The following PCLO variants were observed in gnomAD, a reference collection of about 807,000 sequenced individuals.
The protein encoded by PCLO is piccolo presynaptic cytomatrix protein.
A neutral mutation model predicts 427.5 loss-of-function variants in PCLO; 82 were observed. The ratio of observed to expected loss-of-function variants is 0.19; its 90% CI spans 0.16 to 0.23. The LOEUF (loss-of-function observed/expected upper bound fraction) is 0.23. PCLO is among the 10% of genes least tolerant of loss of function. The pLI, the probability that PCLO is intolerant of heterozygous loss-of-function variation, is 1.00. For synonymous variants in PCLO, 2,357 were observed against 2,155.4 expected (o/e 1.09, Z -2.59); for missense variants, 6,239 against 6,115.9 (o/e 1.02, Z -0.67).
At chr7:82,808,397 G>A (rs1791500694) in intron 20 of PCLO, among the ~76,000 whole-genome samples, 2 of 151,828 alleles carry the variant, frequency 1.3e-5, no homozygotes, top group Admixed American at 6.6e-5. Context: ...TTTACCTGAT[G>A]CGATTTTTAG....
chr7:83,097,866 T>C (rs1790635411), intron 3 of PCLO, among the ~76,000 whole-genome samples: 1 of 152,014 alleles, frequency 6.6e-6, no homozygotes, highest in South Asian at 2.1e-4. Flanking sequence ...TCACTATACA[T>C]ACTATATAAT....
At chr7:82,919,514 A>G (rs1211177000) in intron 6 of PCLO, among the ~76,000 whole-genome samples, 1 of 151,992 alleles carries the variant, frequency 6.6e-6, no homozygotes, top group African/African-American at 2.4e-5. Flanking sequence ...AATGGTTTTA[A>G]AACATAGTTC....
At chr7:83,015,548 A>G (rs560816388) in intron 3 of PCLO, among the ~76,000 whole-genome samples, 2 of 152,282 alleles carry the variant, frequency 1.3e-5, no homozygotes, top group Admixed American at 6.5e-5. Flanking sequence ...TTGATAATAA[A>G]AAATTATCAA....
intron 10 of PCLO, among the ~76,000 whole-genome samples, chr7:82,878,653 C>G (rs1470738448): frequency 6.6e-6 from 1 of 152,124 alleles, no homozygotes; most frequent in African/African-American, 2.4e-5. Flanking sequence ...GGCCCATTAT[C>G]TCCTACTCTA....
chr7:83,090,226 T>A (rs1376433922), intron 3 of PCLO, among the ~76,000 whole-genome samples: 1 of 152,136 alleles, frequency 6.6e-6, no homozygotes, highest in Non-Finnish European at 1.5e-5. Context: ...CACTTGAACC[T>A]GGGAGGCGGA....
intron 3 of PCLO, among the ~76,000 whole-genome samples, chr7:83,061,729 A>T (rs372171223): frequency 9.2e-5 from 14 of 152,160 alleles, no homozygotes; most frequent in Admixed American, 6.5e-4. Flanking sequence ...TGTGAATTGT[A>T]TTACCCTACA....
chr7:83,099,591 A>T (rs939567350), intron 3 of PCLO, among the ~76,000 whole-genome samples: 2 of 151,916 alleles, frequency 1.3e-5, no homozygotes, highest in Admixed American at 6.6e-5. Flanking sequence ...GGGTTTCATC[A>T]TGTTGGCCAG....
chr7:82,803,190 A>G (rs1791394230), intron 21 of PCLO, among the ~76,000 whole-genome samples: 2 of 152,118 alleles, frequency 1.3e-5, no homozygotes, highest in Non-Finnish European at 2.9e-5. Context: ...GGGGAAAAAA[A>G]GCTTAATAGC....
At chr7:82,987,860 AC>A (rs1651877232) in intron 3 of PCLO, among the ~76,000 whole-genome samples, 1 of 152,138 alleles carries the variant, frequency 6.6e-6, no homozygotes. Flanking sequence ...CTTAGTTAAC[AC>A]AGAACAAGAG....
In PCLO at chr7:83,155,170, G is replaced by T; in HGVS notation, c.1471C>A (p.Pro491Thr). ...GGCTTTGCTGAGCCAGGCTGTTGAG[G>T]TGGGGGCTTTGCTGGGCCAGGCTGT... Reference protein sequence around the residue: ...PQQPGPAKPPPQQPGSAKPPS... With the variant: ...PQQPGPAKPPTQQPGSAKPPS... The change falls in exon 2 of 25, where the codon CCT becomes ACT. Residue 491 changes from proline to threonine, a missense_variant. Coordinates refer to ENST00000333891, the MANE Select transcript of PCLO (RefSeq NM_033026.6). 1 of 1,569,512 alleles carries T rather than the reference G, an allele frequency of 6.4e-7. No individual in the cohort carries two copies. Among genetic ancestry groups the T allele is most frequent in the Non-Finnish European group, 8.6e-7 (1 of 1,158,130 alleles).
At chr7:83,086,435 G>A (rs1224292497) in intron 3 of PCLO, among the ~76,000 whole-genome samples, 1 of 151,990 alleles carries the variant, frequency 6.6e-6, no homozygotes, top group South Asian at 2.1e-4. Context: ...ACTAAATAAA[G>A]GGGGTGAAAA....
chr7:82,977,332 T>A (rs930475223), intron 3 of PCLO, among the ~76,000 whole-genome samples: 1 of 151,380 alleles, frequency 6.6e-6, no homozygotes, highest in African/African-American at 2.4e-5. Flanking sequence ...GCTTTTTTTT[T>A]CCTTTTTCTG....
At position 83,134,833 on chromosome 7, in the gene PCLO, C is replaced by G. The variant is rs374587720; in HGVS notation, c.2717G>C (p.Ser906Thr). The G allele has an allele frequency of 1.9e-5, 31 of 1,612,670 alleles. No individual in the cohort carries two copies. The highest frequency in any genetic ancestry group is 2.5e-5 in the Non-Finnish European group (29 of 1,179,298). ...PKPQEQSRRF[S>T]LNLGSITDAP... Reference sequence around the variant, plus strand: ...ATCAGTAATACTTCCCAGATTCAGACTGAAACGCCTTGACTGCTCCTGAGG... The same window carrying G: ...ATCAGTAATACTTCCCAGATTCAGAGTGAAACGCCTTGACTGCTCCTGAGG... The change falls in exon 3 of 25, where the codon AGT becomes ACT. Residue 906 changes from serine to threonine, a missense_variant. By Grantham distance (58) the Ser-to-Thr change is moderately conservative. This residue lies in a region of PCLO where 4,677 missense variants were observed against 4,468.4 expected (regional missense o/e 1.05). Coordinates refer to ENST00000333891, the MANE Select transcript of PCLO (RefSeq NM_033026.6).
At position 82,915,766 on chromosome 7, in the gene PCLO, A is replaced by C. The variant is rs1794440467; in HGVS notation, c.12220T>G (p.Ser4074Ala). 1 of 1,612,236 alleles carries C rather than the reference A, an allele frequency of 6.2e-7. No homozygotes were observed. The highest frequency in any genetic ancestry group is 8.5e-7 in the Non-Finnish European group (1 of 1,179,054). ...TAFSLHEKDL[S>A]KTDRLLRTTE... ...GTTCGAAGGAGACGGTCTGTTTTTG[A>C]CAGATCCTTTTCATGAAGGCTAAAT... Residue 4074 changes from serine (S) to alanine (A), a missense_variant, in exon 7 of 25, where the codon TCA becomes GCA. Physicochemically the swap from Ser to Ala is moderately conservative, Grantham distance 99 (BLOSUM62 1). This residue lies in a region of PCLO where 680 missense variants were observed against 677.3 expected (regional missense o/e 1.00). Coordinates refer to ENST00000333891, the MANE Select transcript of PCLO (RefSeq NM_033026.6).
chr7:82,813,371 A>T (rs1791613094), intron 20 of PCLO, among the ~76,000 whole-genome samples: 1 of 151,758 alleles, frequency 6.6e-6, no homozygotes, highest in Non-Finnish European at 1.5e-5. Flanking sequence ...CTATATATAG[A>T]TGGTTATATT....
intron 22 of PCLO, among the ~76,000 whole-genome samples, chr7:82,785,405 C>T (rs1790964633): frequency 1.3e-5 from 2 of 152,178 alleles, no homozygotes; most frequent in African/African-American, 2.4e-5. Context: ...TGGTTTCTAA[C>T]AGGCCACAGA....
At chr7:83,090,582 C>T (rs943173831) in intron 3 of PCLO, among the ~76,000 whole-genome samples, 13 of 152,012 alleles carry the variant, frequency 8.6e-5, no homozygotes, top group African/African-American at 2.9e-4. Flanking sequence ...ATTAATTTGC[C>T]TTTCATTTAG....
chr7:82,968,231 T>C (rs1394271320), intron 3 of PCLO, among the ~76,000 whole-genome samples: 1 of 152,206 alleles, frequency 6.6e-6, no homozygotes, highest in Non-Finnish European at 1.5e-5. Flanking sequence ...TCATTTGCTT[T>C]TTGTGTATAT....
intron 9 of PCLO, among the ~76,000 whole-genome samples, chr7:82,891,892 C>G (rs1403500607): frequency 1.3e-5 from 2 of 152,024 alleles, no homozygotes; most frequent in African/African-American, 2.4e-5. Flanking sequence ...AGAAGAACTA[C>G]AAACTACTGC....
Sources: gnomAD v4.1 joint callset for allele counts (sites outside exome capture counted in the v4.1 genomes callset) on GRCh38, gnomAD v4.1.1 for gene constraint, gnomAD v4.1.1 regional missense constraint, MANE v1.5 for transcripts, NCBI Gene and HGNC (gene_info 2026-07-23, HGNC 2026-07-21) for gene names.